Variants in AUTS2 observed in about 807,000 individuals in gnomAD.
The protein encoded by AUTS2 is activator of transcription and developmental regulator AUTS2.
AUTS2 carries 17 observed loss-of-function variants against 112.4 expected under a neutral mutation model. The ratio of observed to expected loss-of-function variants is 0.15; its 90% CI spans 0.10 to 0.23. The LOEUF is 0.23. Among genes scored for constraint, AUTS2 ranks in the 10% least tolerant of loss-of-function variants. The pLI is 1.00. For synonymous variants in AUTS2, 751 were observed against 702.7 expected, an observed-to-expected ratio of 1.07 and a Z score of -1.09; for missense variants, 1,510 against 1,701.6, an observed-to-expected ratio of 0.89 and a Z score of 1.98.
At chr7:70,662,043 TG>T (rs1406855466) in intron 5 of AUTS2, among the ~76,000 whole-genome samples, 1 of 151,622 alleles carries the variant, frequency 6.6e-6, no homozygotes, top group South Asian at 2.1e-4. Flanking sequence ...GAGCAGACAA[TG>T]GGGGGGCAGA....
intron 12 of AUTS2, chr7:70,774,318 G>C: frequency 1.8e-6 from 1 of 542,356 alleles, no homozygotes; most frequent in Non-Finnish European, 3.3e-6. Flanking sequence ...TTGCCGATGG[G>C]AGAAAAGAGG....
intron 2 of AUTS2, among the ~76,000 whole-genome samples, chr7:70,010,529 C>T (rs1799751203): frequency 6.6e-6 from 1 of 152,178 alleles, no homozygotes; most frequent in South Asian, 2.1e-4. Context: ...GGTGGCCACT[C>T]CATCCCCCTT....
chr7:70,583,601 C>T (rs1417326212), intron 5 of AUTS2, among the ~76,000 whole-genome samples: 1 of 152,168 alleles, frequency 6.6e-6, no homozygotes, highest in Non-Finnish European at 1.5e-5. Flanking sequence ...GCTTAGAGTC[C>T]CCAGCTCTGG....
At chr7:69,931,395 C>T (rs1415745844) in intron 2 of AUTS2, among the ~76,000 whole-genome samples, 1 of 152,200 alleles carries the variant, frequency 6.6e-6, no homozygotes, top group African/African-American at 2.4e-5. Context: ...TGCATCTTTG[C>T]AGCTTGCTAT....
intron 5 of AUTS2, among the ~76,000 whole-genome samples, chr7:70,624,804 G>A (rs1005670032): frequency 1.3e-5 from 2 of 152,204 alleles, no homozygotes; most frequent in African/African-American, 4.8e-5. Context: ...CTTCCCTGGG[G>A]TGTAGAGATA....
chr7:70,020,014 A>G (rs893038050), intron 2 of AUTS2, among the ~76,000 whole-genome samples: 2 of 152,174 alleles, frequency 1.3e-5, no homozygotes, highest in African/African-American at 4.8e-5. Flanking sequence ...CAAGATAGAT[A>G]GGGGAGAAAG....
intron 2 of AUTS2, among the ~76,000 whole-genome samples, chr7:70,043,313 G>A (rs1801327206): frequency 6.6e-6 from 1 of 152,072 alleles, no homozygotes; most frequent in Admixed American, 6.6e-5. Flanking sequence ...ATCTCTGTGA[G>A]CTTTGCCCTC....
At chr7:70,284,128 G>A (rs1343800171) in intron 4 of AUTS2, among the ~76,000 whole-genome samples, 1 of 152,080 alleles carries the variant, frequency 6.6e-6, no homozygotes, top group African/African-American at 2.4e-5. Context: ...TAACAATACT[G>A]GATGTCATAT....
At chr7:70,273,997 T>C (rs145338159) in intron 4 of AUTS2, among the ~76,000 whole-genome samples, 292 of 152,240 alleles carry the variant, frequency 1.9e-3, no homozygotes, top group Admixed American at 3.4e-3. Flanking sequence ...ATACTGTAAA[T>C]TGGAAAATAA....
chr7:70,178,513 C>T (rs1035271465), intron 4 of AUTS2, among the ~76,000 whole-genome samples: 11 of 152,084 alleles, frequency 7.2e-5, no homozygotes, highest in African/African-American at 4.8e-5. Context: ...TTAATAGATC[C>T]TACAGGCCAG....
At chr7:70,163,453 T>C (rs980375116) in intron 4 of AUTS2, among the ~76,000 whole-genome samples, 3 of 150,958 alleles carry the variant, frequency 2.0e-5, no homozygotes, top group African/African-American at 7.3e-5. Flanking sequence ...CGCTCTGTCA[T>C]GCCCATTCCC....
intron 1 of AUTS2, among the ~76,000 whole-genome samples, chr7:69,715,516 C>T (rs1798566269): frequency 6.6e-6 from 1 of 152,124 alleles, no homozygotes; most frequent in Admixed American, 6.5e-5. Context: ...TACTTGGTTT[C>T]CTTGGAGGAT....
chr7:70,777,087 C>A lies in AUTS2; in HGVS notation c.1933-16C>A, dbSNP rs1790752784. 6.2e-7 allele frequency: 1 copy of A among 1,613,556 alleles called. No homozygotes were observed. Among genetic ancestry groups the A allele is most frequent in the Non-Finnish European group, 8.5e-7 (1 of 1,179,496 alleles). On this transcript the variant is annotated splice_polypyrimidine_tract_variant and intron_variant, in intron 13 of 18. Transcript: ENST00000342771. ...AAATGTCTTCCTCCTAACCACGTTG[C>A]TCTTTCTTGTTCCAGAAACCAGGGA...
chr7:69,821,627 G>T (rs1185028735), intron 1 of AUTS2, among the ~76,000 whole-genome samples: 3 of 152,040 alleles, frequency 2.0e-5, no homozygotes, highest in Non-Finnish European at 1.5e-5. Flanking sequence ...CACCGCGAGG[G>T]TCTGCAGCTT....
chr7:69,657,896 CTTGATG>C (rs1254049938), intron 1 of AUTS2, among the ~76,000 whole-genome samples: 1 of 152,202 alleles, frequency 6.6e-6, no homozygotes, highest in Admixed American at 6.5e-5. Flanking sequence ...TATAATTATT[CTTGATG>C]TTGCTCAAAT....
intron 1 of AUTS2, among the ~76,000 whole-genome samples, chr7:69,886,012 C>T (rs2129538352): frequency 6.6e-6 from 1 of 152,238 alleles, no homozygotes; most frequent in East Asian, 1.9e-4. Flanking sequence ...GGAGGCAAAC[C>T]CTCCACTGAA....
chr7:70,394,453 T>A (rs980618341), intron 4 of AUTS2, among the ~76,000 whole-genome samples: 3 of 152,256 alleles, frequency 2.0e-5, no homozygotes, highest in Admixed American at 1.3e-4. Context: ...ACGGTATCTC[T>A]CAGTCACTCA....
At chr7:70,380,910 A>G (rs902985723) in intron 4 of AUTS2, among the ~76,000 whole-genome samples, 1 of 152,218 alleles carries the variant, frequency 6.6e-6, no homozygotes, top group Admixed American at 6.5e-5. Flanking sequence ...TATCAAACAC[A>G]TTTATCTTTG....
Position 70,378,363 on chromosome 7 carries a change from C to T in AUTS2, c.661-57389C>T, listed in dbSNP as rs117018889. ...CTCTGTGGAACTTTAAATATTCTTA[C>T]GGTTCTTTCCTATGTTATCTGCCTA... On this transcript the variant is annotated intron_variant, in intron 4 of 18. Coordinates refer to ENST00000342771, the MANE Select transcript of AUTS2 (RefSeq NM_015570.4). Among the ~76,000 whole-genome samples, 79 of 152,252 alleles carry T rather than the reference C, an allele frequency of 5.2e-4. 1 individual carries two copies. The East Asian group carries it at 7.9e-3, about 15-fold the overall frequency.
Sources: allele counts gnomAD v4.1 joint callset (sites outside exome capture counted in the v4.1 genomes callset), GRCh38; gene constraint gnomAD v4.1.1; transcripts MANE v1.5; gene names NCBI Gene and HGNC (gene_info 2026-07-23, HGNC 2026-07-21).